CACNB2: variants seen among roughly 807,000 people sequenced by gnomAD.
CACNB2 encodes the protein calcium voltage-gated channel auxiliary subunit beta 2.
A neutral mutation model predicts 73.3 loss-of-function variants in CACNB2; 42 were observed. That is an observed-to-expected ratio of 0.57 (90% CI 0.45 to 0.74). CACNB2 has a LOEUF of 0.74. Ranked by LOEUF, CACNB2 falls within the 30% of genes least tolerant of loss-of-function variation. The probability of loss-of-function intolerance (pLI) is 0.00; values close to 1 mark genes in which losing one functional copy is unlikely to be tolerated. For missense variants in CACNB2, 940 were observed against 853.0 expected, an observed-to-expected ratio of 1.10 and a Z score of -1.27; for synonymous variants, 348 against 310.3, an observed-to-expected ratio of 1.12 and a Z score of -1.28.
At chr10:18,232,898 C>G (rs1011138170) in intron 2 of CACNB2, among the ~76,000 whole-genome samples, 8 of 152,094 alleles carry the variant, frequency 5.3e-5, no homozygotes, top group African/African-American at 1.9e-4. Context: ...CCAGCCTCAG[C>G]AACATGGAAA....
At chr10:18,471,498 T>C (rs1373611452) in intron 3 of CACNB2, among the ~76,000 whole-genome samples, 1 of 152,240 alleles carries the variant, frequency 6.6e-6, no homozygotes, top group South Asian at 2.1e-4. Flanking sequence ...TTCTGCAAGA[T>C]AGGAAGCTAT....
At chr10:18,309,059 T>A (rs1477670299) in intron 2 of CACNB2, among the ~76,000 whole-genome samples, 3 of 152,204 alleles carry the variant, frequency 2.0e-5, no homozygotes, top group Admixed American at 1.3e-4. Context: ...CCCCTCGTCG[T>A]TACCAATTTT....
intron 2 of CACNB2, among the ~76,000 whole-genome samples, chr10:18,172,865 G>A (rs1328541757): frequency 6.6e-6 from 1 of 150,592 alleles, no homozygotes. Context: ...CACACATTGG[G>A]CAAGTTACTT....
chr10:18,261,160 T>C (rs921992228), intron 2 of CACNB2: 2 of 1,544,296 alleles, frequency 1.3e-6, no homozygotes, highest in African/African-American at 2.7e-5. Flanking sequence ...TGCTCATGCC[T>C]CTTACCTGGG....
intron 2 of CACNB2, chr10:18,340,890 C>A (rs1381636386): frequency 1.2e-6 from 2 of 1,614,090 alleles, no homozygotes; most frequent in Non-Finnish European, 1.7e-6. Flanking sequence ...AAGAAAATTC[C>A]TGCTGGAGTG....
chr10:18,462,861 A>C (rs1203628860), intron 3 of CACNB2, among the ~76,000 whole-genome samples: 2 of 151,842 alleles, frequency 1.3e-5, no homozygotes, highest in Non-Finnish European at 2.9e-5. Flanking sequence ...CAGGTTCAAG[A>C]GATTCTCCTG....
At chr10:18,441,381 C>G (rs76466243) in intron 3 of CACNB2, among the ~76,000 whole-genome samples, 26,582 of 152,052 alleles carry the variant, frequency 0.17, 2,485 homozygotes, top group East Asian at 0.25. Flanking sequence ...CTCTAGTCTG[C>G]CGACAGAGCA....
intron 7 of CACNB2, among the ~76,000 whole-genome samples, chr10:18,516,211 C>CT (rs1485778940): frequency 2.7e-5 from 4 of 146,618 alleles, no homozygotes; most frequent in Admixed American, 2.1e-4. Flanking sequence ...CTAGATAACT[C>CT]TGTCTCAAAA....
chr10:18,152,042 T>A (rs1227620068), intron 2 of CACNB2, among the ~76,000 whole-genome samples: 1 of 152,184 alleles, frequency 6.6e-6, no homozygotes, highest in African/African-American at 2.4e-5. Context: ...CCTAGCTGTC[T>A]ACCCTTATTG....
intron 3 of CACNB2, among the ~76,000 whole-genome samples, chr10:18,411,138 G>A (rs905829134): frequency 1.3e-5 from 2 of 152,010 alleles, no homozygotes; most frequent in African/African-American, 2.4e-5. Flanking sequence ...TCAACTCTTT[G>A]CTTATAAGCA....
chr10:18,481,201 TATATATATATATATATATATA>T (rs2048709895), intron 3 of CACNB2, among the ~76,000 whole-genome samples: 2 of 6,620 alleles, frequency 3.0e-4, no homozygotes, highest in Non-Finnish European at 6.6e-4. Context: ...GCTATATATA[TATATATATATATATATATATA>T]TATATATATT....
At chr10:18,320,073 A>G (rs1182497270) in intron 2 of CACNB2, among the ~76,000 whole-genome samples, 1 of 149,536 alleles carries the variant, frequency 6.7e-6, no homozygotes, top group East Asian at 2.0e-4. Context: ...CCCTCCAATC[A>G]CTCCCCGATC....
intron 3 of CACNB2, among the ~76,000 whole-genome samples, chr10:18,460,204 T>C (rs1177500854): frequency 6.6e-6 from 1 of 152,194 alleles, no homozygotes; most frequent in Non-Finnish European, 1.5e-5. Context: ...TTTTAATTCA[T>C]GTTTTACCTC....
chr10:18,208,368 C>A (rs1424338475), intron 2 of CACNB2, among the ~76,000 whole-genome samples: 2 of 152,032 alleles, frequency 1.3e-5, no homozygotes, highest in Non-Finnish European at 2.9e-5. Flanking sequence ...CCCAGCTACA[C>A]TTGGCATGCT....
intron 2 of CACNB2, among the ~76,000 whole-genome samples, chr10:18,281,909 G>A (rs572868681): frequency 1.1e-4 from 16 of 147,782 alleles, no homozygotes; most frequent in Non-Finnish European, 1.8e-4. Context: ...GAGCTCAGGA[G>A]CTGGAGGTTG....
intron 2 of CACNB2, among the ~76,000 whole-genome samples, chr10:18,303,402 G>A (rs1241783365): frequency 2.6e-5 from 4 of 152,046 alleles, no homozygotes; most frequent in East Asian, 3.9e-4. Flanking sequence ...CCGCTCAGGG[G>A]GCTGAGATAG....
intron 3 of CACNB2, among the ~76,000 whole-genome samples, chr10:18,412,747 G>A (rs1212807614): frequency 2.0e-5 from 3 of 152,164 alleles, no homozygotes; most frequent in Non-Finnish European, 4.4e-5. Context: ...AAATGTGGAA[G>A]TCCATTCAAC....
chr10:18,417,163 A>G (rs2045020180), intron 3 of CACNB2, among the ~76,000 whole-genome samples: 1 of 147,958 alleles, frequency 6.8e-6, no homozygotes, highest in African/African-American at 2.5e-5. Flanking sequence ...CAGGGCAGCT[A>G]TTAAGACGAT....
rs1444080173 is a variant in CACNB2, at chr10:18,140,790, G to C, written c.54G>C (p.Ala18=). The part of the protein sequence containing the change: ...KSPPTAAAAV[A]QEIQMELLEN... ...CTCCCACAGCGGCGGCGGCGGTGGC[G>C]CAGGAGATCCAGATGGAACTGCTAG... is the stretch of plus-strand genomic sequence containing the variant. The change falls in exon 1 of 14, where the codon GCG becomes GCC. Residue 18 remains alanine (A), a synonymous_variant. Transcript: ENST00000324631. 1 of 1,600,950 alleles carries C rather than the reference G, an allele frequency of 6.2e-7. No individual in the cohort carries two copies. The highest frequency in any genetic ancestry group is 8.5e-7 in the Non-Finnish European group (1 of 1,175,332).
Sources: allele counts gnomAD v4.1 joint callset (sites outside exome capture counted in the v4.1 genomes callset), GRCh38; gene constraint gnomAD v4.1.1; transcripts MANE v1.5; gene names NCBI Gene and HGNC (gene_info 2026-07-23, HGNC 2026-07-21).